The following CACNA1E variants were observed in gnomAD, a reference collection of about 807,000 sequenced individuals.
CACNA1E encodes voltage-dependent R-type calcium channel subunit alpha-1E.
A neutral mutation model predicts 259.2 loss-of-function variants in CACNA1E; 40 were observed. The observed-to-expected ratio is 0.15, with a 90% CI of 0.12 to 0.20. The LOEUF (loss-of-function observed/expected upper bound fraction) is 0.20. CACNA1E is among the 10% of genes least tolerant of loss of function. The pLI is 1.00. For synonymous variants in CACNA1E, 1,104 were observed against 1,138.5 expected (o/e 0.97, Z 0.61); for missense variants, 1,874 against 3,040.1 (o/e 0.62, Z 9.02).
At chr1:181,408,857 A>G (rs1371690298) in intron 1 of CACNA1E, among the ~76,000 whole-genome samples, 1 of 152,158 alleles carries the variant, frequency 6.6e-6, no homozygotes, top group African/African-American at 2.4e-5. Flanking sequence ...TTAATTTCGA[A>G]GCAGGCCCTC....
chr1:181,496,731 A>C (rs1159805399), intron 1 of CACNA1E, among the ~76,000 whole-genome samples: 1 of 152,052 alleles, frequency 6.6e-6, no homozygotes, highest in African/African-American at 2.4e-5. Context: ...GAGAATGGAG[A>C]ATTAGGATGC....
At chr1:181,743,279 T>C (rs1419959671) in intron 25 of CACNA1E, among the ~76,000 whole-genome samples, 1 of 152,184 alleles carries the variant, frequency 6.6e-6, no homozygotes, top group Non-Finnish European at 1.5e-5. Flanking sequence ...GCTGGATCTA[T>C]GAAACCTTCC....
chr1:181,767,035 C>T (rs1054581318), intron 35 of CACNA1E, among the ~76,000 whole-genome samples: 2 of 152,176 alleles, frequency 1.3e-5, no homozygotes, highest in African/African-American at 4.8e-5. Context: ...TATATGGTGA[C>T]ACCAAATCAC....
Position 181,756,935 on chromosome 1 carries a change from C to T in CACNA1E, c.4138C>T (p.His1380Tyr). The stretch of plus-strand genomic sequence containing the variant: ...GTTCTGTCCCCATAGAGTTCTGCAG[C>T]ACTCTGTAGATGTGACAGAGGAAGA... Reference protein sequence around the residue: ...TGEGWPQVLQHSVDVTEEDRG... With the variant: ...TGEGWPQVLQYSVDVTEEDRG... The change falls in exon 30 of 48, where the codon CAC becomes TAC. Residue 1380 changes from histidine (H) to tyrosine (Y), a missense_variant. This residue lies in a region of CACNA1E where 188 missense variants were observed against 540.6 expected (regional missense o/e 0.35). Transcript: ENST00000367573. The T allele has an allele frequency of 1.2e-6, 2 of 1,608,550 alleles. No homozygotes were observed. Among genetic ancestry groups the T allele is most frequent in the Non-Finnish European group, 1.7e-6 (2 of 1,174,912 alleles).
At chr1:181,612,343 TC>T (rs1175359918) in intron 6 of CACNA1E, among the ~76,000 whole-genome samples, 1 of 152,162 alleles carries the variant, frequency 6.6e-6, no homozygotes, top group Admixed American at 6.5e-5. Flanking sequence ...CAAATTGACT[TC>T]CCAGGAGGCT....
At chr1:181,641,703 GTTTTTTT>G (rs751082929) in intron 6 of CACNA1E, among the ~76,000 whole-genome samples, 64 of 81,110 alleles carry the variant, frequency 7.9e-4, no homozygotes, top group African/African-American at 2.7e-3. Flanking sequence ...CTAATTTTTT[GTTTTTTT>G]TTTTTTTTTT....
intron 6 of CACNA1E, among the ~76,000 whole-genome samples, chr1:181,614,429 C>G (rs1470327123): frequency 6.6e-6 from 1 of 152,192 alleles, no homozygotes; most frequent in African/African-American, 2.4e-5. Flanking sequence ...CAGTATTGCT[C>G]TAAACACAGT....
intron 4 of CACNA1E, 40 bp downstream of exon 4, chr1:181,577,909 C>A (rs772468717): frequency 1.7e-5 from 23 of 1,316,972 alleles, no homozygotes; most frequent in Non-Finnish European, 2.5e-5. Context: ...TAAGAACTTT[C>A]TTCATGTGTC....
chr1:181,554,867 G>T (rs141685899), intron 3 of CACNA1E, among the ~76,000 whole-genome samples: 36 of 152,262 alleles, frequency 2.4e-4, no homozygotes, highest in African/African-American at 7.7e-4. Context: ...GGATCTAAGT[G>T]AGCATTTAAT....
chr1:181,686,612 T>G (rs1650608721), intron 7 of CACNA1E, among the ~76,000 whole-genome samples: 1 of 152,150 alleles, frequency 6.6e-6, no homozygotes, highest in African/African-American at 2.4e-5. Flanking sequence ...AAGGGATGGC[T>G]TCACGTCTGA....
In CACNA1E at chr1:181,758,716, T is replaced by TA. The variant is rs781060797; in HGVS notation, c.4495-40dup. On this transcript the variant is annotated intron_variant, in intron 31 of 47. Transcript: ENST00000367573. The surrounding 1 kb of genome is among the most constrained non-coding windows in gnomAD (Gnocchi z 4.2). ...GTGACATGTATTCCCCCTCTTACCTTAAGGCTGTGATTCTTTCTCTCTTCT... is the reference window on the plus strand; with the variant it reads ...GTGACATGTATTCCCCCTCTTACCTTAAAGGCTGTGATTCTTTCTCTCTTCT... 8.6e-7 allele frequency: 1 copy of TA among 1,158,864 alleles called. No homozygotes were observed. The highest frequency in any genetic ancestry group is 1.3e-5 in the South Asian group (1 of 78,322). The allele number at this position is 1,158,864 out of a possible 1,614,324, so 71.8% of individuals were successfully genotyped here.
intron 1 of CACNA1E, among the ~76,000 whole-genome samples, chr1:181,351,440 T>C (rs74127744): frequency 0.023 from 3,523 of 152,312 alleles, 132 homozygotes; most frequent in African/African-American, 0.079. Flanking sequence ...GGTTTTCCGG[T>C]ATGGAGATAA....
At chr1:181,599,140 G>A (rs749613836) in intron 6 of CACNA1E, among the ~76,000 whole-genome samples, 3 of 151,482 alleles carry the variant, frequency 2.0e-5, no homozygotes, top group African/African-American at 7.3e-5. Context: ...AGGCCCCAGT[G>A]TGTGTTGTTC....
intron 3 of CACNA1E, among the ~76,000 whole-genome samples, chr1:181,548,500 CTA>C (rs1189927222): frequency 1.3e-5 from 2 of 152,322 alleles, no homozygotes; most frequent in East Asian, 3.9e-4. Flanking sequence ...CTGCCTCCTC[CTA>C]TGTTTCTGGG....
chr1:181,693,590 T>C (rs1205297224), intron 7 of CACNA1E, among the ~76,000 whole-genome samples: 1 of 152,114 alleles, frequency 6.6e-6, no homozygotes, highest in Non-Finnish European at 1.5e-5. Context: ...CACTTATAAG[T>C]GGGAGCTAAA....
chr1:181,362,856 G>T (rs1012056377), intron 1 of CACNA1E, among the ~76,000 whole-genome samples: 2 of 152,246 alleles, frequency 1.3e-5, no homozygotes, highest in African/African-American at 2.4e-5. Context: ...AGACTTGTTT[G>T]CAGTTTTGCC....
intron 1 of CACNA1E, among the ~76,000 whole-genome samples, chr1:181,340,117 T>C (rs1044162879): frequency 1.3e-5 from 2 of 151,988 alleles, no homozygotes; most frequent in Admixed American, 1.3e-4. Flanking sequence ...CTTTGATTCA[T>C]TGATAATTAA....
rs76270491 is a variant in CACNA1E at position 181,604,584 on chromosome 1, T to C, written c.951+23808T>C. On this transcript the variant is annotated intron_variant, in intron 6 of 47. Transcript: ENST00000367573. ...GCCTCACACTGCATGTAATTAGGCT[T>C]CTAATGCCATTTTCTATTGACAAGG... Among the ~76,000 whole-genome samples, 615 of 152,328 alleles carry C rather than the reference T, an allele frequency of 4.0e-3. 3 individuals are homozygous for C. The highest frequency in any genetic ancestry group is 0.014 in the African/African-American group (594 of 41,578).
intron 11 of CACNA1E, 141 bp from the exon 12 acceptor site, chr1:181,717,914 C>G: frequency 5.1e-6 from 3 of 585,432 alleles, no homozygotes; most frequent in Non-Finnish European, 9.2e-6. Flanking sequence ...TCATTAGGCT[C>G]TGTCCAGCCC....
Sources: gnomAD v4.1 joint callset for allele counts (sites outside exome capture counted in the v4.1 genomes callset) on GRCh38, gnomAD v4.1.1 for gene constraint, gnomAD v4.1.1 regional missense constraint, Gnocchi (gnomAD v3.1) non-coding constraint, MANE v1.5 for transcripts, NCBI Gene and HGNC (gene_info 2026-07-23, HGNC 2026-07-21) for gene names.